The following GRM5 variants were observed in gnomAD, a reference collection of about 807,000 sequenced individuals.
The protein encoded by GRM5 is glutamate metabotropic receptor 5.
GRM5 carries 19 observed loss-of-function variants against 83.1 expected under a neutral mutation model. That is an observed-to-expected ratio of 0.23 (90% CI 0.16 to 0.34). The LOEUF (loss-of-function observed/expected upper bound fraction) is 0.34, where lower values mean the gene tolerates loss of function less well. GRM5 is among the 10% of genes least tolerant of loss of function. The probability of loss-of-function intolerance (pLI) is 1.00; values close to 1 mark genes in which losing one functional copy is unlikely to be tolerated. For synonymous variants in GRM5, 675 were observed against 633.6 expected (o/e 1.07, Z -0.98); for missense variants, 1,160 against 1,588.3 (o/e 0.73, Z 4.58).
At chr11:88,593,035 A>T (rs1364291876) in intron 6 of GRM5, among the ~76,000 whole-genome samples, 1 of 152,024 alleles carries the variant, frequency 6.6e-6, no homozygotes, top group African/African-American at 2.4e-5. Context: ...GCCTAGGCTG[A>T]TCTTGAACTC....
intron 4 of GRM5, among the ~76,000 whole-genome samples, chr11:88,606,139 A>G (rs1167556368): frequency 6.6e-6 from 1 of 152,166 alleles, no homozygotes; most frequent in African/African-American, 2.4e-5. Context: ...ACTTTAAGGA[A>G]ATCAATGACC....
chr11:88,906,243 A>T (rs1027991463), intron 2 of GRM5, among the ~76,000 whole-genome samples: 1 of 152,200 alleles, frequency 6.6e-6, no homozygotes, highest in Non-Finnish European at 1.5e-5. Flanking sequence ...TTCAGCACTT[A>T]TATTGGTCTA....
At chr11:88,788,150 C>T (rs972300829) in intron 3 of GRM5, among the ~76,000 whole-genome samples, 5 of 152,118 alleles carry the variant, frequency 3.3e-5, no homozygotes, top group South Asian at 2.1e-4. Context: ...TTCTTTGCTC[C>T]TTAGATCAGA....
chr11:88,620,575 T>G (rs540833682), intron 4 of GRM5, among the ~76,000 whole-genome samples: 2 of 152,324 alleles, frequency 1.3e-5, no homozygotes, highest in African/African-American at 4.8e-5. Context: ...GGTAGCTTTT[T>G]GGGAACATAG....
rs1203448970 is a variant in GRM5 at position 88,870,654 on chromosome 11, T to G, written c.662-20499A>C. ...TAGCCAGGCAGTAGAAGCTGATGTT[T>G]GAAAGGGAATCTTGTGTTCCATTGT... On this transcript the variant is annotated intron_variant, in intron 2 of 9. Transcript: ENST00000305447. 2.6e-5 allele frequency among the ~76,000 whole-genome samples: 4 copies of G among 151,660 alleles called. No individual in the cohort carries two copies. In the East Asian group the frequency reaches 7.7e-4, roughly 29 times the overall value.
In GRM5 at chr11:88,507,457, T is replaced by C. The variant is rs1223400465; in HGVS notation, c.*1135A>G. 2.0e-5 allele frequency: 3 copies of C among 152,214 alleles called. No individual in the cohort carries two copies. The highest frequency in any genetic ancestry group is 4.4e-5 in the Non-Finnish European group (3 of 68,034). The allele number at this position is 152,214 out of a possible 1,614,324, so 9.4% of individuals were successfully genotyped here. A position where few individuals can be genotyped will look rare whatever the true frequency, so the allele number is the denominator to read the frequency against. On this transcript the variant is annotated 3_prime_UTR_variant, in exon 10 of 10. Transcript: ENST00000305447. ...GACTTGACACAGTTAAAATTTTCAG[T>C]GTATTAAGATTGTGTTAATCCTTTC...
At chr11:88,749,007 G>A (rs1211668047) in intron 3 of GRM5, among the ~76,000 whole-genome samples, 1 of 152,150 alleles carries the variant, frequency 6.6e-6, no homozygotes, top group Non-Finnish European at 1.5e-5. Flanking sequence ...ACACAAAAAT[G>A]CTGAAAACTC....
chr11:88,678,101 C>T (rs1024796822), intron 3 of GRM5, among the ~76,000 whole-genome samples: 1 of 151,638 alleles, frequency 6.6e-6, no homozygotes, highest in African/African-American at 2.4e-5. Flanking sequence ...CTCTGTCTCC[C>T]CGGCTGGAGT....
chr11:88,837,086 C>T (rs1944106527), intron 3 of GRM5, among the ~76,000 whole-genome samples: 1 of 152,120 alleles, frequency 6.6e-6, no homozygotes, highest in Non-Finnish European at 1.5e-5. Flanking sequence ...AGTGTAATTG[C>T]TCCTGGTTTG....
chr11:88,642,022 G>A (rs2135287581), intron 4 of GRM5, among the ~76,000 whole-genome samples: 1 of 152,250 alleles, frequency 6.6e-6, no homozygotes, highest in East Asian at 1.9e-4. Context: ...CCTGGTAGTG[G>A]TTCTCTGTTG....
At chr11:88,570,578 T>A (rs1368853455) in intron 7 of GRM5, among the ~76,000 whole-genome samples, 220 of 83,676 alleles carry the variant, frequency 2.6e-3, no homozygotes, top group African/African-American at 9.4e-3. Context: ...TATATTTTTT[T>A]TTTTTTTTTT....
At chr11:88,758,585 A>G (rs1942445480) in intron 3 of GRM5, among the ~76,000 whole-genome samples, 1 of 152,208 alleles carries the variant, frequency 6.6e-6, no homozygotes, top group Non-Finnish European at 1.5e-5. Context: ...GAAAAATATG[A>G]GATTATGTAA....
intron 3 of GRM5, among the ~76,000 whole-genome samples, chr11:88,658,186 G>A (rs1337895746): frequency 2.6e-5 from 4 of 152,104 alleles, no homozygotes; most frequent in East Asian, 1.9e-4. Flanking sequence ...GAGCTAGGTC[G>A]TGCGCTTCTT....
At chr11:88,564,963 C>T (rs1388382816) in intron 8 of GRM5, among the ~76,000 whole-genome samples, 2 of 152,054 alleles carry the variant, frequency 1.3e-5, no homozygotes, top group Non-Finnish European at 2.9e-5. Context: ...GTATTGGGTA[C>T]AGTAACTTTC....
At chr11:88,640,972 G>A (rs1939277919) in intron 4 of GRM5, among the ~76,000 whole-genome samples, 1 of 151,632 alleles carries the variant, frequency 6.6e-6, no homozygotes, top group South Asian at 2.1e-4. Flanking sequence ...CTTGGCTTCT[G>A]TGTTGGGGGT....
intron 8 of GRM5, among the ~76,000 whole-genome samples, chr11:88,531,438 G>A (rs1006097788): frequency 6.6e-6 from 1 of 152,116 alleles, no homozygotes; most frequent in Admixed American, 6.6e-5. Context: ...ATTTACAAAT[G>A]TGCTACAACT....
chr11:88,851,409 A>C (rs1944388045), intron 2 of GRM5, among the ~76,000 whole-genome samples: 1 of 152,196 alleles, frequency 6.6e-6, no homozygotes, highest in South Asian at 2.1e-4. Flanking sequence ...ATATCAAATT[A>C]ATAAGGAGCA....
At chr11:88,967,625 T>C (rs552313089) in intron 2 of GRM5, among the ~76,000 whole-genome samples, 1 of 152,198 alleles carries the variant, frequency 6.6e-6, no homozygotes, top group Non-Finnish European at 1.5e-5. Flanking sequence ...CCTAGTGTTC[T>C]AATAATCTTT....
intron 2 of GRM5, among the ~76,000 whole-genome samples, chr11:88,922,835 G>A (rs568133005): frequency 6.6e-6 from 1 of 152,122 alleles, no homozygotes; most frequent in African/African-American, 2.4e-5. Flanking sequence ...CATCTGACAA[G>A]GGATTAATAA....
Sources: gnomAD v4.1 joint callset for allele counts (sites outside exome capture counted in the v4.1 genomes callset) on GRCh38, gnomAD v4.1.1 for gene constraint, MANE v1.5 for transcripts, NCBI Gene and HGNC (gene_info 2026-07-23, HGNC 2026-07-21) for gene names.